GDAP2: variants seen among roughly 807,000 people sequenced by gnomAD.
GDAP2 encodes ganglioside-induced differentiation-associated protein 2.
GDAP2 carries 51 observed loss-of-function variants against 67.0 expected under a neutral mutation model. That is an observed-to-expected ratio of 0.76 (90% confidence interval 0.61 to 0.96). The LOEUF (loss-of-function observed/expected upper bound fraction) is 0.96, where lower values mean the gene tolerates loss of function less well. Among genes scored for constraint, GDAP2 ranks in the 40% least tolerant of loss-of-function variants. The pLI is 0.00. For missense variants in GDAP2, 547 were observed against 588.3 expected (o/e 0.93, Z 0.73); for synonymous variants, 203 against 207.3 (o/e 0.98, Z 0.18).
chr1:117,920,128 A>G, intron 2 of GDAP2, 54 bp downstream of exon 2: 1 of 1,029,838 alleles, frequency 9.7e-7, no homozygotes. Context: ...AGAGGTTAGA[A>G]TAAATTATGA....
intron 8 of GDAP2, among the ~76,000 whole-genome samples, chr1:117,892,455 G>A (rs1649118894): frequency 6.6e-6 from 1 of 151,986 alleles, no homozygotes; most frequent in African/African-American, 2.4e-5. Flanking sequence ...AAGCTAAAAG[G>A]AAAATATGAA....
rs1407251472 is a variant in GDAP2 at position 117,896,860 on chromosome 1, G to A, written c.926C>T (p.Ala309Val). Residue 309 changes from alanine to valine, a missense_variant, in exon 8 of 14, where the codon GCA becomes GTA. By Grantham distance (64) the Ala-to-Val change is moderately conservative (BLOSUM62 0). Coordinates refer to ENST00000369443, the MANE Select transcript of GDAP2 (RefSeq NM_017686.4). Reference protein sequence around the residue: ...KLILQGQLSEAALQKQHQRNY... With the variant: ...KLILQGQLSEVALQKQHQRNY... The stretch of plus-strand genomic sequence containing the variant: ...TCTTTGATGCTGCTTCTGCAGAGCT[G>A]CCTCTGATAATTGTCCCTGAAGGAT... The A allele has an allele frequency of 6.2e-7, 1 of 1,612,390 alleles. No homozygotes were observed. The highest frequency in any genetic ancestry group is 1.1e-5 in the South Asian group (1 of 90,806).
rs116334258 is a variant in GDAP2 at position 117,916,396 on chromosome 1, T to G, written c.316+2201A>C. 4.2e-3 allele frequency among the ~76,000 whole-genome samples: 644 copies of G among 152,208 alleles called. 5 individuals are homozygous for G. The highest frequency in any genetic ancestry group is 0.015 in the African/African-American group (617 of 41,542). On this transcript the variant is annotated intron_variant, in intron 3 of 13. Coordinates refer to ENST00000369443, the MANE Select transcript of GDAP2 (RefSeq NM_017686.4). ...GGCATGGGATAAGCCTGGAGAAAAG[T>G]GAGTAAGATCTTGCAAGGACATGGG... is the stretch of plus-strand genomic sequence containing the variant.
intron 6 of GDAP2, among the ~76,000 whole-genome samples, chr1:117,902,208 T>A (rs1422405319): frequency 6.6e-6 from 1 of 152,258 alleles, no homozygotes; most frequent in Non-Finnish European, 1.5e-5. Flanking sequence ...GTCTCATCAC[T>A]CAGTCACCTT....
At chr1:117,875,557 G>A (rs549564627) in intron 13 of GDAP2, among the ~76,000 whole-genome samples, 46 of 152,270 alleles carry the variant, frequency 3.0e-4, no homozygotes, top group Middle Eastern at 3.4e-3. Flanking sequence ...GGTTGCTCCC[G>A]TCCAGACCCA....
intron 3 of GDAP2, among the ~76,000 whole-genome samples, chr1:117,915,710 C>T (rs1472816282): frequency 6.6e-6 from 1 of 152,132 alleles, no homozygotes; most frequent in Non-Finnish European, 1.5e-5. Context: ...GGTTTAGTTT[C>T]ATAAAATTTC....
At chr1:117,901,119 GTTTC>G (rs1226046272) in intron 6 of GDAP2, among the ~76,000 whole-genome samples, 3 of 152,066 alleles carry the variant, frequency 2.0e-5, no homozygotes, top group African/African-American at 7.2e-5. Flanking sequence ...TTTGTGTCTG[GTTTC>G]TTTCATTTAG....
chr1:117,905,332 C>T (rs774077222), intron 6 of GDAP2, among the ~76,000 whole-genome samples: 3 of 152,148 alleles, frequency 2.0e-5, no homozygotes, highest in African/African-American at 2.4e-5. Context: ...CTTTCATTTT[C>T]GCCACTCTCA....
Position 117,866,520 on chromosome 1 carries a change from A to G in GDAP2, c.*4049T>C, listed in dbSNP as rs1166618287. On this transcript the variant is annotated 3_prime_UTR_variant, in exon 14 of 14. Transcript: ENST00000369443. ...AGTGCCAGCACAGTTAAAACACTCT[A>G]GCGCACGTTAATTATGATGATTACA... 1 of 152,198 alleles carries G rather than the reference A, an allele frequency of 6.6e-6. No homozygotes were observed. Among genetic ancestry groups the G allele is most frequent in the Admixed American group, 6.5e-5 (1 of 15,284 alleles). The allele number at this position is 152,198 out of a possible 1,614,324, so 9.4% of individuals were successfully genotyped here.
In GDAP2 at chr1:117,891,492, A is replaced by G. The variant is rs539750688; in HGVS notation, c.954-3718T>C. Among the ~76,000 whole-genome samples, 7 of 152,192 alleles carry G rather than the reference A, an allele frequency of 4.6e-5. No individual in the cohort carries two copies. The South Asian group carries it at 1.2e-3, about 27-fold the overall frequency. On this transcript the variant is annotated intron_variant, in intron 8 of 13. Transcript: ENST00000369443. ...TTGGATAGGTTAGAAATGGTAAAGC[A>G]TTTCTCTGGTCAGTAATGAGGTTGA...
intron 9 of GDAP2, 116 bp from the exon 10 acceptor site, chr1:117,886,769 GT>G (rs1648871046): frequency 1.6e-6 from 1 of 637,362 alleles, no homozygotes; most frequent in Admixed American, 2.7e-5. Flanking sequence ...AAACAAGGAA[GT>G]ATAAGTTGCT....
chr1:117,903,794 G>A (rs1293511148), intron 6 of GDAP2, among the ~76,000 whole-genome samples: 1 of 152,066 alleles, frequency 6.6e-6, no homozygotes, highest in Admixed American at 6.5e-5. Context: ...GTCCATAATA[G>A]TAAAGAGAAG....
At chr1:117,896,747 T>C (rs1481133717) in intron 8 of GDAP2, 86 bp downstream of exon 8, 4 of 799,448 alleles carry the variant, frequency 5.0e-6, no homozygotes, top group Non-Finnish European at 7.9e-6. Flanking sequence ...GCATTATATA[T>C]ACACGTAGCT....
chr1:117,885,758 A>AT (rs548340022), intron 10 of GDAP2, among the ~76,000 whole-genome samples: 44 of 150,176 alleles, frequency 2.9e-4, no homozygotes, highest in South Asian at 1.1e-3. Flanking sequence ...TAAGTATACA[A>AT]TTTTTTTTTT....
chr1:117,928,593 C>T (rs751760792), intron 1 of GDAP2, among the ~76,000 whole-genome samples: 2 of 152,214 alleles, frequency 1.3e-5, no homozygotes, highest in Non-Finnish European at 2.9e-5. Flanking sequence ...CTACAGCTGT[C>T]CACAGTCTCA....
At chr1:117,888,442 A>G (rs956947232) in intron 8 of GDAP2, among the ~76,000 whole-genome samples, 8 of 152,278 alleles carry the variant, frequency 5.3e-5, no homozygotes, top group East Asian at 1.9e-4. Flanking sequence ...AGAGACATTA[A>G]AGATCTTGCA....
intron 13 of GDAP2, among the ~76,000 whole-genome samples, chr1:117,876,749 C>T (rs1414588761): frequency 6.6e-6 from 1 of 152,168 alleles, no homozygotes; most frequent in Admixed American, 6.5e-5. Context: ...TGAAAGCCTG[C>T]TTTATAGGCC....
intron 1 of GDAP2, among the ~76,000 whole-genome samples, chr1:117,923,189 AC>A (rs1423775419): frequency 3.3e-5 from 5 of 152,208 alleles, no homozygotes; most frequent in Non-Finnish European, 7.3e-5. Flanking sequence ...TTGTTTAAAC[AC>A]ACATGCTCTA....
intron 3 of GDAP2, among the ~76,000 whole-genome samples, chr1:117,915,010 A>G (rs1175109134): frequency 6.6e-6 from 1 of 152,164 alleles, no homozygotes; most frequent in Non-Finnish European, 1.5e-5. Flanking sequence ...GGCACAGAGA[A>G]CAGTCTAGAG....
Sources: gnomAD v4.1 joint callset for allele counts (sites outside exome capture counted in the v4.1 genomes callset) on GRCh38, gnomAD v4.1.1 for gene constraint, MANE v1.5 for transcripts, NCBI Gene and HGNC (gene_info 2026-07-23, HGNC 2026-07-21) for gene names.